The following NTNG1 variants were observed in gnomAD, a reference collection of about 807,000 sequenced individuals.
NTNG1 encodes the protein netrin G1.
NTNG1 carries 16 observed loss-of-function variants against 54.0 expected under a neutral mutation model. The ratio of observed to expected loss-of-function variants is 0.30; its 90% CI spans 0.20 to 0.45. The LOEUF is 0.45. NTNG1 is among the 20% of genes least tolerant of loss of function. NTNG1 has a pLI of 1.00. For synonymous variants in NTNG1, 255 were observed against 263.1 expected (o/e 0.97, Z 0.30); for missense variants, 530 against 678.7 (o/e 0.78, Z 2.43).
At position 107,307,908 on chromosome 1, in the gene NTNG1, T is replaced by A. The variant is rs1017315203; in HGVS notation, c.247-16374T>A. Among the ~76,000 whole-genome samples, 6 of 152,210 alleles carry A rather than the reference T, an allele frequency of 3.9e-5. No individual in the cohort carries two copies. In the East Asian group the frequency reaches 1.2e-3, roughly 29 times the overall value. On this transcript the variant is annotated intron_variant, in intron 2 of 7. Coordinates refer to ENST00000370068, the MANE Select transcript of NTNG1 (RefSeq NM_001113226.3). ...GAGGGTAACATACATTGTTCCTTCC[T>A]TGGGTTGAAATTCCCAGCTTTAGCC... is the stretch of plus-strand genomic sequence containing the variant.
chr1:107,160,515 T>C (rs1459710926), intron 2 of NTNG1, among the ~76,000 whole-genome samples: 2 of 152,114 alleles, frequency 1.3e-5, no homozygotes, highest in Non-Finnish European at 2.9e-5. Context: ...TACTATATAA[T>C]ATAAGCTATT....
chr1:107,374,940 T>C (rs1036333884), intron 3 of NTNG1, among the ~76,000 whole-genome samples: 10 of 152,206 alleles, frequency 6.6e-5, no homozygotes, highest in Non-Finnish European at 1.5e-4. Context: ...TTCCTCATTA[T>C]TGAAGCAAGA....
chr1:107,476,437 A>G (rs561708932), intron 7 of NTNG1, among the ~76,000 whole-genome samples: 1 of 152,320 alleles, frequency 6.6e-6, no homozygotes, highest in Non-Finnish European at 1.5e-5. Context: ...TTTTCCAACT[A>G]ATAACAAAAC....
intron 7 of NTNG1, among the ~76,000 whole-genome samples, chr1:107,440,536 C>T (rs996263153): frequency 1.3e-5 from 2 of 152,134 alleles, no homozygotes; most frequent in South Asian, 2.1e-4. Flanking sequence ...ATGTGGACCT[C>T]GTAGTACATA....
chr1:107,309,491 C>T (rs888114633), intron 2 of NTNG1, among the ~76,000 whole-genome samples: 4 of 152,120 alleles, frequency 2.6e-5, no homozygotes, highest in African/African-American at 9.7e-5. Flanking sequence ...GTTTGTTTTA[C>T]ATTCACTTGT....
chr1:107,480,060 T>G (rs1185473747), intron 7 of NTNG1, among the ~76,000 whole-genome samples: 1 of 152,026 alleles, frequency 6.6e-6, no homozygotes, highest in Non-Finnish European at 1.5e-5. Flanking sequence ...TGGAGCATGC[T>G]ACTTTCCCCG....
At chr1:107,333,001 A>C (rs1343898774) in intron 3 of NTNG1, among the ~76,000 whole-genome samples, 1 of 152,010 alleles carries the variant, frequency 6.6e-6, no homozygotes, top group Non-Finnish European at 1.5e-5. Flanking sequence ...AACATTGAAA[A>C]AAATGGATGG....
chr1:107,216,182 T>G (rs1024464744), intron 2 of NTNG1, among the ~76,000 whole-genome samples: 2 of 152,176 alleles, frequency 1.3e-5, no homozygotes, highest in African/African-American at 4.8e-5. Context: ...TCCAGTACTA[T>G]GTTGAATAGA....
Position 107,310,990 on chromosome 1 carries a change from C to A in NTNG1, c.247-13292C>A, listed in dbSNP as rs1666978501. Among the ~76,000 whole-genome samples the A allele has an allele frequency of 2.6e-5, 4 of 152,110 alleles. No homozygotes were observed. In the South Asian group the frequency reaches 8.3e-4, roughly 31 times the overall value. On this transcript the variant is annotated intron_variant, in intron 2 of 7. Coordinates refer to ENST00000370068, the MANE Select transcript of NTNG1 (RefSeq NM_001113226.3). ...AGCTTATAATGAATCAACCTCGGAA[C>A]TCAGGTAGAATTATCAGAATCTCTG...
chr1:107,313,106 A>G (rs1010214409), intron 2 of NTNG1, among the ~76,000 whole-genome samples: 6 of 152,170 alleles, frequency 3.9e-5, no homozygotes, highest in South Asian at 2.1e-4. Flanking sequence ...TAGCAAAATG[A>G]TCTACTTTGG....
intron 2 of NTNG1, among the ~76,000 whole-genome samples, chr1:107,255,547 G>A (rs1015173800): frequency 1.3e-5 from 2 of 152,180 alleles, no homozygotes; most frequent in African/African-American, 2.4e-5. Flanking sequence ...GCTGAAACTC[G>A]ATGAGAATTA....
chr1:107,392,479 A>G (rs111549325), intron 3 of NTNG1, among the ~76,000 whole-genome samples: 2 of 152,022 alleles, frequency 1.3e-5, no homozygotes, highest in African/African-American at 2.4e-5. Context: ...CAACAGGCTG[A>G]AGAGGTTCCT....
At chr1:107,142,675 GA>G (rs71579434) in intron 1 of NTNG1, among the ~76,000 whole-genome samples, 1,533 of 131,268 alleles carry the variant, frequency 0.012, 31 homozygotes, top group Admixed American at 0.054. Flanking sequence ...TTACAGAAAT[GA>G]AAAAAAAAAA....
intron 5 of NTNG1, 116 bp from the exon 6 acceptor site, chr1:107,430,634 T>C (rs753843552): frequency 1.9e-5 from 19 of 1,014,174 alleles, no homozygotes; most frequent in Non-Finnish European, 2.8e-5. Context: ...TTGAATCACA[T>C]ATATGTAATG....
intron 2 of NTNG1, among the ~76,000 whole-genome samples, chr1:107,257,548 G>A (rs1663009091): frequency 6.6e-6 from 1 of 152,174 alleles, no homozygotes; most frequent in South Asian, 2.1e-4. Context: ...ATATCTTAAT[G>A]AATAAACTGA....
chr1:107,340,005 G>T (rs1469348646), intron 3 of NTNG1, among the ~76,000 whole-genome samples: 1 of 152,060 alleles, frequency 6.6e-6, no homozygotes, highest in Non-Finnish European at 1.5e-5. Flanking sequence ...CAACAGCAGG[G>T]AGGAGGAAGA....
intron 2 of NTNG1, among the ~76,000 whole-genome samples, chr1:107,208,369 G>A (rs1043082322): frequency 8.0e-5 from 12 of 149,320 alleles, no homozygotes; most frequent in African/African-American, 2.7e-4. Context: ...GGCGGAGGTT[G>A]CAGTGAGCCA....
At chr1:107,165,871 A>G (rs1377745633) in intron 2 of NTNG1, among the ~76,000 whole-genome samples, 2 of 152,140 alleles carry the variant, frequency 1.3e-5, no homozygotes, top group Non-Finnish European at 2.9e-5. Flanking sequence ...GGGAGTATTT[A>G]GTGGTTTCTC....
chr1:107,333,606 T>C (rs1174152488), intron 3 of NTNG1, among the ~76,000 whole-genome samples: 1 of 150,912 alleles, frequency 6.6e-6, no homozygotes, highest in Non-Finnish European at 1.5e-5. Context: ...TTGGACTCTT[T>C]GTAAGATTGA....
Sources: allele counts gnomAD v4.1 joint callset (sites outside exome capture counted in the v4.1 genomes callset), GRCh38; gene constraint gnomAD v4.1.1; transcripts MANE v1.5; gene names NCBI Gene and HGNC (gene_info 2026-07-23, HGNC 2026-07-21).